NGLY1: variants seen among roughly 807,000 people sequenced by gnomAD.
The protein encoded by NGLY1 is N-glycanase 1.
NGLY1 carries 68 observed loss-of-function variants against 84.6 expected under a neutral mutation model. That is an observed-to-expected ratio of 0.80 (90% CI 0.66 to 0.98). The LOEUF (loss-of-function observed/expected upper bound fraction) is 0.98. Ranked by LOEUF, NGLY1 falls within the 50% of genes least tolerant of loss-of-function variation. NGLY1 has a pLI of 0.00. For missense variants in NGLY1, 779 were observed against 770.2 expected (o/e 1.01, Z -0.14); for synonymous variants, 280 against 275.2 (o/e 1.02, Z -0.17).
chr3:25,764,001 C>T lies in NGLY1; in HGVS notation c.492+65G>A. On this transcript the variant is annotated intron_variant, in intron 3 of 11. Transcript: ENST00000280700. The stretch of plus-strand genomic sequence containing the variant: ...ATTCAGGAATAAATCATAACACATT[C>T]CAAAGCTTTTGCTGTTTCAACACTT... The T allele has an allele frequency of 4.4e-6, 7 of 1,573,858 alleles. No individual in the cohort carries two copies. The Admixed American group carries it at 8.9e-5, about 20-fold the overall frequency.
At chr3:25,727,895 G>A (rs192218300) in intron 10 of NGLY1, among the ~76,000 whole-genome samples, 10 of 152,094 alleles carry the variant, frequency 6.6e-5, no homozygotes, top group East Asian at 1.9e-4. Flanking sequence ...CTAGTCATTC[G>A]ATAAAAAACC....
intron 1 of NGLY1, chr3:25,782,905 A>G (rs1170640009): frequency 8.5e-6 from 2 of 235,268 alleles, no homozygotes; most frequent in Non-Finnish European, 1.7e-5. Flanking sequence ...TTGTGTCCCG[A>G]TATCTGAGGC....
intron 3 of NGLY1, among the ~76,000 whole-genome samples, chr3:25,763,839 C>T (rs538841278): frequency 1.3e-5 from 2 of 152,058 alleles, no homozygotes; most frequent in South Asian, 4.2e-4. Flanking sequence ...GGAAATAACC[C>T]CCACAGTGAA....
At chr3:25,758,631 C>T (rs1303720850) in intron 3 of NGLY1, among the ~76,000 whole-genome samples, 2 of 152,010 alleles carry the variant, frequency 1.3e-5, no homozygotes, top group Non-Finnish European at 2.9e-5. Context: ...TATTTAGATC[C>T]TCTTTACATT....
At chr3:25,763,785 A>C (rs1707426243) in intron 3 of NGLY1, among the ~76,000 whole-genome samples, 1 of 152,174 alleles carries the variant, frequency 6.6e-6, no homozygotes, top group African/African-American at 2.4e-5. Context: ...AAACCTAAAG[A>C]AGCTTTTTTA....
intron 4 of NGLY1, among the ~76,000 whole-genome samples, chr3:25,750,121 C>T (rs1004226654): frequency 6.6e-6 from 1 of 152,108 alleles, no homozygotes; most frequent in African/African-American, 2.4e-5. Context: ...TGGCAGAAGG[C>T]ACCTTTTCAC....
chr3:25,789,248 A>G (rs1378552679), intron 1 of NGLY1, among the ~76,000 whole-genome samples: 3 of 152,190 alleles, frequency 2.0e-5, no homozygotes, highest in Non-Finnish European at 2.9e-5. Flanking sequence ...CCATTGTGAC[A>G]ATGGAGACAA....
chr3:25,721,033 A>G (rs1277181880), intron 10 of NGLY1, among the ~76,000 whole-genome samples: 1 of 152,194 alleles, frequency 6.6e-6, no homozygotes, highest in Non-Finnish European at 1.5e-5. Context: ...CTTTACACTT[A>G]TCTTAATGCA....
intron 4 of NGLY1, among the ~76,000 whole-genome samples, chr3:25,740,167 A>C (rs3773424): frequency 6.6e-6 from 1 of 152,100 alleles, no homozygotes; most frequent in Admixed American, 6.5e-5. Context: ...AAAAATGGGA[A>C]ACATTGAATT....
At chr3:25,773,180 G>C (rs1286088093) in intron 2 of NGLY1, among the ~76,000 whole-genome samples, 1 of 151,424 alleles carries the variant, frequency 6.6e-6, no homozygotes, top group Non-Finnish European at 1.5e-5. Flanking sequence ...TAGATCTCTA[G>C]GAAGGCCAGA....
intron 9 of NGLY1, chr3:25,729,706 CT>C (rs1559531484): frequency 6.5e-6 from 1 of 153,674 alleles, no homozygotes; most frequent in Non-Finnish European, 1.4e-5. Context: ...ATGAAAATGA[CT>C]TTTCAAAAAA....
chr3:25,755,161 T>C (rs1298208520), intron 3 of NGLY1: 1 of 1,267,136 alleles, frequency 7.9e-7, no homozygotes, highest in Non-Finnish European at 1.2e-6. Flanking sequence ...AGTGTCGTGC[T>C]GATCTTTTTA....
Position 25,719,869 on chromosome 3 carries a change from C to T in NGLY1, c.1789+145G>A, listed in dbSNP as rs115701947. ...GCCTTTCTGTTACAATGGGATCACA[C>T]AGGGTTTATTAAATTTTTTTTTTTT... On this transcript the variant is annotated intron_variant, in intron 11 of 11. Coordinates refer to ENST00000280700, the MANE Select transcript of NGLY1 (RefSeq NM_018297.4). 569 of 719,566 alleles carry T rather than the reference C, an allele frequency of 7.9e-4. 2 individuals are homozygous for T. The African/African-American group carries it at 9.9e-3, about 12-fold the overall frequency. 44.6% of individuals were successfully genotyped at this position (719,566 alleles called of 1,614,324 possible). A position where few individuals can be genotyped will look rare whatever the true frequency, so the allele number is the denominator to read the frequency against.
chr3:25,775,837 G>C (rs1708132474), intron 2 of NGLY1, among the ~76,000 whole-genome samples: 1 of 152,128 alleles, frequency 6.6e-6, no homozygotes, highest in African/African-American at 2.4e-5. Context: ...AAAATAGCTA[G>C]AAGACAGAAT....
chr3:25,744,240 G>C (rs1259906218), intron 4 of NGLY1, among the ~76,000 whole-genome samples: 1 of 152,074 alleles, frequency 6.6e-6, no homozygotes, highest in Non-Finnish European at 1.5e-5. Flanking sequence ...CAATTTAGTA[G>C]GCCAAGATAT....
At chr3:25,770,662 T>C (rs1415623271) in intron 2 of NGLY1, among the ~76,000 whole-genome samples, 2 of 152,126 alleles carry the variant, frequency 1.3e-5, no homozygotes, top group Non-Finnish European at 2.9e-5. Context: ...TCCATAGGGG[T>C]CATACTAGTT....
intron 3 of NGLY1, among the ~76,000 whole-genome samples, chr3:25,762,923 T>C (rs7614816): frequency 0.014 from 2,070 of 152,040 alleles, 42 homozygotes; most frequent in African/African-American, 0.047. Context: ...CATTGCATTC[T>C]AGCCTGGGCA....
chr3:25,757,491 G>A (rs1392899654), intron 3 of NGLY1, among the ~76,000 whole-genome samples: 3 of 152,108 alleles, frequency 2.0e-5, no homozygotes, highest in Non-Finnish European at 4.4e-5. Context: ...ATGACTGTAA[G>A]GAAATATTAA....
At chr3:25,788,355 G>A (rs1293326903), upstream of NGLY1, among the ~76,000 whole-genome samples, 1 of 152,150 alleles carries the variant, frequency 6.6e-6, no homozygotes, top group Non-Finnish European at 1.5e-5. Flanking sequence ...GGCAAACCTA[G>A]GAAGTCTTAA....
Sources: allele counts gnomAD v4.1 joint callset (sites outside exome capture counted in the v4.1 genomes callset), GRCh38; gene constraint gnomAD v4.1.1; transcripts MANE v1.5; gene names NCBI Gene and HGNC (gene_info 2026-07-23, HGNC 2026-07-21).